KAT5: variants seen among roughly 807,000 people sequenced by gnomAD.
KAT5 encodes the protein histone acetyltransferase KAT5.
In KAT5, 31 loss-of-function variants were observed where a neutral mutation model predicts 68.1. That is an observed-to-expected ratio of 0.46 (90% CI 0.34 to 0.61). KAT5 has a LOEUF of 0.61. Among genes scored for constraint, KAT5 ranks in the 20% least tolerant of loss-of-function variants. The pLI is 0.01. For missense variants in KAT5, 451 were observed against 725.5 expected, an observed-to-expected ratio of 0.62 and a Z score of 4.35; for synonymous variants, 365 against 292.6, an observed-to-expected ratio of 1.25 and a Z score of -2.52.
At position 65,714,710 on chromosome 11, in the gene KAT5, C is replaced by T. The variant is rs111345240; in HGVS notation, c.906C>T (p.Tyr302=). 17 of 1,614,224 alleles carry T rather than the reference C, an allele frequency of 1.1e-5. No individual in the cohort carries two copies. The highest frequency in any genetic ancestry group is 5.3e-5 in the African/African-American group (4 of 75,052). The part of the protein sequence containing the change: ...VLYLCEFCLK[Y]GRSLKCLQRH... Reference sequence around the variant, plus strand: ...ACCTGTGCGAGTTCTGCCTCAAGTACGGCCGTAGTCTCAAGTGTCTTCAGC... The same window carrying T: ...ACCTGTGCGAGTTCTGCCTCAAGTATGGCCGTAGTCTCAAGTGTCTTCAGC... Residue 302 remains tyrosine (Y), a synonymous_variant, in exon 7 of 13, where the codon TAC becomes TAT. Transcript: ENST00000341318.
rs1209524047 is a variant in KAT5 at position 65,712,375 on chromosome 11, C to G, written c.108C>G (p.Pro36=). ...CCGACCCTGGCGTCGCGCTGTCTCCCCAGGGGGAGATAATCGAGGGCTGCC... is the reference window on the plus strand; with the variant it reads ...CCGACCCTGGCGTCGCGCTGTCTCCGCAGGGGGAGATAATCGAGGGCTGCC... ...PVADPGVALS[P]QGEIIEGCRL... Residue 36 remains proline (P), a synonymous_variant, in exon 1 of 13, where the codon CCC becomes CCG. Transcript: ENST00000341318. The G allele has an allele frequency of 1.3e-6, 2 of 1,577,636 alleles. No individual in the cohort carries two copies. Among genetic ancestry groups the G allele is most frequent in the Non-Finnish European group, 1.7e-6 (2 of 1,169,808 alleles).
chr11:65,717,222 A>C, intron 10 of KAT5: 5 of 581,856 alleles, frequency 8.6e-6, no homozygotes, highest in Non-Finnish European at 1.2e-5. Flanking sequence ...AGTGCCACTC[A>C]GCTTTCCCCA....
chr11:65,712,909 C>T lies in KAT5; in HGVS notation c.248-13C>T. On this transcript the variant is annotated splice_polypyrimidine_tract_variant and intron_variant, in intron 2 of 12. Transcript: ENST00000341318. ...CTTTGGCATTCTGTCCTGAGCCATCCCCACTGCTACAGTCAACAAACGTCT... is the reference window on the plus strand; with the variant it reads ...CTTTGGCATTCTGTCCTGAGCCATCTCCACTGCTACAGTCAACAAACGTCT... The T allele has an allele frequency of 2.5e-6, 4 of 1,614,132 alleles. No homozygotes were observed. The highest frequency in any genetic ancestry group is 1.7e-6 in the Non-Finnish European group (2 of 1,180,024).
At position 65,713,347 on chromosome 11, in the gene KAT5, G is replaced by A; in HGVS notation, c.385-1G>A. 6.2e-7 allele frequency: 1 copy of A among 1,613,976 alleles called. No individual in the cohort carries two copies. Among genetic ancestry groups the A allele is most frequent in the Non-Finnish European group, 8.5e-7 (1 of 1,179,962 alleles). On this transcript the variant is annotated splice_acceptor_variant, in intron 3 of 12. Transcript: ENST00000341318. LOFTEE classifies it high-confidence loss of function. ...GGAAGACCCTGGACCTATCTCTACA[G>A]CCGGCCTCGGCGCAGGCCAGCGGGA...
chr11:65,717,507 C>A, intron 10 of KAT5: 1 of 164,914 alleles, frequency 6.1e-6, no homozygotes, highest in Non-Finnish European at 1.3e-5. Flanking sequence ...CTCTTCAGTG[C>A]CCTCCCCAAC....
intron 10 of KAT5, chr11:65,717,600 T>C (rs1226817454): frequency 6.3e-6 from 1 of 157,822 alleles, no homozygotes; most frequent in Non-Finnish European, 1.4e-5. Context: ...ATAACCAAGC[T>C]CTGACCTGAG....
chr11:65,719,279 A>AT lies in KAT5; in HGVS notation c.*99dup. 1.4e-6 allele frequency: 2 copies of AT among 1,424,234 alleles called. No individual in the cohort carries two copies. Among genetic ancestry groups the AT allele is most frequent in the Non-Finnish European group, 9.6e-7 (1 of 1,042,116 alleles). The allele number at this position is 1,424,234 out of a possible 1,614,324, so 88.2% of individuals were successfully genotyped here. A position where few individuals can be genotyped will look rare whatever the true frequency, so the allele number is the denominator to read the frequency against. ...GCTCCCACAAAGCACTCTAAGGGAG[A>AT]TGGGGCTGAGGACAGCTCAAAAAGG... On this transcript the variant is annotated 3_prime_UTR_variant, in exon 13 of 13. Coordinates refer to ENST00000341318, the MANE Select transcript of KAT5 (RefSeq NM_182710.3).
chr11:65,719,529 G>C lies in KAT5; in HGVS notation c.*348G>C. On this transcript the variant is annotated 3_prime_UTR_variant, in exon 13 of 13. Coordinates refer to ENST00000341318, the MANE Select transcript of KAT5 (RefSeq NM_182710.3). Reference sequence around the variant, plus strand: ...TTTGTAAAGTAGAAGTTGGGGGTGGGGTGGGTGCTGGCTGCAAAAATTTCT... The same window carrying C: ...TTTGTAAAGTAGAAGTTGGGGGTGGCGTGGGTGCTGGCTGCAAAAATTTCT... 1 of 615,022 alleles carries C rather than the reference G, an allele frequency of 1.6e-6. No individual in the cohort carries two copies. Among genetic ancestry groups the C allele is most frequent in the Non-Finnish European group, 2.9e-6 (1 of 349,270 alleles). The allele number at this position is 615,022 out of a possible 1,614,324, so 38.1% of individuals were successfully genotyped here. A position where few individuals can be genotyped will look rare whatever the true frequency, so the allele number is the denominator to read the frequency against.
Position 65,713,619 on chromosome 11 carries a change from A to T in KAT5, c.567A>T (p.Pro189=). ...STKRKVEVVS[P]ATPVPSETAP... is the part of the protein sequence containing the mutation. ...AACGGAAGGTGGAGGTGGTTTCACCAGCAACTCCAGTGCCCAGCGAGACAG... is the reference window on the plus strand; with the variant it reads ...AACGGAAGGTGGAGGTGGTTTCACCTGCAACTCCAGTGCCCAGCGAGACAG... The change falls in exon 5 of 13, where the codon CCA becomes CCT. Residue 189 remains proline, a synonymous_variant. Transcript: ENST00000341318. 6.2e-7 allele frequency: 1 copy of T among 1,614,114 alleles called. No homozygotes were observed. The highest frequency in any genetic ancestry group is 1.1e-5 in the South Asian group (1 of 91,074).
intron 8 of KAT5, among the ~76,000 whole-genome samples, chr11:65,715,592 C>T (rs1374933055): frequency 6.6e-6 from 1 of 151,490 alleles, no homozygotes; most frequent in Non-Finnish European, 1.5e-5. Context: ...AACCCTGTCT[C>T]TACTAAAAAG....
Position 65,719,346 on chromosome 11 carries a change from A to G in KAT5, c.*165A>G. The G allele has an allele frequency of 1.1e-6, 1 of 870,868 alleles. No homozygotes were observed. The highest frequency in any genetic ancestry group is 1.7e-6 in the Non-Finnish European group (1 of 582,940). The allele number at this position is 870,868 out of a possible 1,614,324, so 53.9% of individuals were successfully genotyped here. A position where few individuals can be genotyped will look rare whatever the true frequency, so the allele number is the denominator to read the frequency against. On this transcript the variant is annotated 3_prime_UTR_variant, in exon 13 of 13. Coordinates refer to ENST00000341318, the MANE Select transcript of KAT5 (RefSeq NM_182710.3). ...AGGGGCCCACTGGTGCCCAGCACCAAGGCGAGCTCCGGGCTCAGACCAACT... is the reference window on the plus strand; with the variant it reads ...AGGGGCCCACTGGTGCCCAGCACCAGGGCGAGCTCCGGGCTCAGACCAACT...
At chr11:65,715,696 GTT>G (rs958352352) in intron 8 of KAT5, among the ~76,000 whole-genome samples, 3 of 152,162 alleles carry the variant, frequency 2.0e-5, no homozygotes, top group African/African-American at 7.2e-5. Flanking sequence ...AGGAGGCAGA[GTT>G]TGCAGTGAGC....
intron 3 of KAT5, 133 bp from the exon 4 acceptor site, chr11:65,713,215 C>A: frequency 7.7e-7 from 1 of 1,301,674 alleles, no homozygotes; most frequent in Non-Finnish European, 1.1e-6. Context: ...CTCCCAGAGT[C>A]CAGTAGCTAG....
At chr11:65,712,467 G>C in intron 1 of KAT5, 22 bp downstream of exon 1, 1 of 1,578,640 alleles carries the variant, frequency 6.3e-7, no homozygotes, top group Non-Finnish European at 8.5e-7. Context: ...TGGGGGGCGG[G>C]ACTAAGGAAC....
rs189328094 is a variant in KAT5, at chr11:65,712,745, C to T, written c.179-21C>T. 2.7e-5 allele frequency: 44 copies of T among 1,613,732 alleles called. No individual in the cohort carries two copies. The Admixed American group carries it at 4.2e-4, about 15-fold the overall frequency. On this transcript the variant is annotated intron_variant, in intron 1 of 12. Transcript: ENST00000341318. ...TCATAGCCTGGCCTGTCTAAGGCCC[C>T]TGTCTATGCTATTCTCATAGCCCTG...
rs1437079000 is a variant in KAT5, at chr11:65,718,617, A to G, written c.1292A>G (p.Lys431Arg). The G allele has an allele frequency of 1.1e-5, 17 of 1,614,202 alleles. No homozygotes were observed. The Middle Eastern group carries it at 4.9e-4, about 47-fold the overall frequency. ...TATGAACTCTCCAAAGTGGAAGGGA[A>G]AACAGGGACCCCTGAGAAGCCCCTC... ...FSYELSKVEGKTGTPEKPLSD... is the reference protein window; with the variant it reads ...FSYELSKVEGRTGTPEKPLSD... The change falls in exon 11 of 13, where the codon AAA becomes AGA. Residue 431 changes from lysine to arginine, a missense_variant. By Grantham distance (26) the Lys-to-Arg change is conservative (BLOSUM62 2). Transcript: ENST00000341318.
At chr11:65,718,411 G>A in intron 10 of KAT5, 179 bp from the exon 11 acceptor site, 1 of 665,708 alleles carries the variant, frequency 1.5e-6, no homozygotes, top group Non-Finnish European at 2.6e-6. Context: ...CGCACGGAAA[G>A]AGTGAATACT....
Position 65,712,842 on chromosome 11 carries a change from C to T in KAT5, c.247+8C>T, listed in dbSNP as rs747689888. The stretch of plus-strand genomic sequence containing the variant: ...ACGTCCATTACATTGACTGTGAGTT[C>T]TGGGCCTGAGGTGGGGCATCAGGGT... On this transcript the variant is annotated splice_region_variant and intron_variant, in intron 2 of 12. Coordinates refer to ENST00000341318, the MANE Select transcript of KAT5 (RefSeq NM_182710.3). The T allele has an allele frequency of 6.2e-7, 1 of 1,614,122 alleles. No individual in the cohort carries two copies.
upstream of KAT5, chr11:65,712,130 T>G: frequency 3.7e-6 from 3 of 810,480 alleles, no homozygotes; most frequent in Non-Finnish European, 5.4e-6. Flanking sequence ...GGGGCAGTCT[T>G]GCCCCTCGCA....
Sources: allele counts gnomAD v4.1 joint callset (sites outside exome capture counted in the v4.1 genomes callset), GRCh38; gene constraint gnomAD v4.1.1; transcripts MANE v1.5; gene names NCBI Gene and HGNC (gene_info 2026-07-23, HGNC 2026-07-21).